The following KCNIP1 variants were observed in gnomAD, a reference collection of about 807,000 sequenced individuals.
KCNIP1 encodes potassium voltage-gated channel interacting protein 1, also known as A-type potassium channel modulatory protein KCNIP1.
In KCNIP1, 18 loss-of-function variants were observed where a neutral mutation model predicts 33.0. The ratio of observed to expected loss-of-function variants is 0.55; its 90% CI spans 0.38 to 0.81. KCNIP1 has a LOEUF of 0.81. Ranked by LOEUF, KCNIP1 falls within the 30% of genes least tolerant of loss-of-function variation. The pLI, the probability that KCNIP1 is intolerant of heterozygous loss-of-function variation, is 0.00. For synonymous variants in KCNIP1, 93 were observed against 98.3 expected (o/e 0.95, Z 0.32); for missense variants, 238 against 271.6 (o/e 0.88, Z 0.87).
chr5:170,698,582 T>G (rs1205422079), intron 1 of KCNIP1, among the ~76,000 whole-genome samples: 1 of 152,060 alleles, frequency 6.6e-6, no homozygotes, highest in Non-Finnish European at 1.5e-5. Context: ...TTCTAAAATG[T>G]CAGCTGCCAT....
intron 1 of KCNIP1, among the ~76,000 whole-genome samples, chr5:170,453,440 G>A (rs964119065): frequency 1.3e-5 from 2 of 152,146 alleles, no homozygotes; most frequent in African/African-American, 4.8e-5. Flanking sequence ...ATCATTTAGC[G>A]GGGTACCACA....
chr5:170,486,497 T>A (rs1757097716), intron 1 of KCNIP1: 1 of 152,232 alleles, frequency 6.6e-6, no homozygotes, highest in Non-Finnish European at 1.5e-5. Context: ...GATCCTGCAT[T>A]TTGACCAGAG....
intron 1 of KCNIP1, among the ~76,000 whole-genome samples, chr5:170,578,882 C>G (rs150279586): frequency 6.6e-6 from 1 of 151,904 alleles, no homozygotes; most frequent in Non-Finnish European, 1.5e-5. Flanking sequence ...AGATTGGGAG[C>G]GTAAGATTCC....
At chr5:170,645,032 T>G (rs971313205) in intron 1 of KCNIP1, among the ~76,000 whole-genome samples, 1 of 152,226 alleles carries the variant, frequency 6.6e-6, no homozygotes, top group Non-Finnish European at 1.5e-5. Context: ...AGTGGCTAAT[T>G]TGAGCATAAG....
At chr5:170,355,336 G>T (rs1398946585) in intron 1 of KCNIP1, among the ~76,000 whole-genome samples, 4 of 152,204 alleles carry the variant, frequency 2.6e-5, no homozygotes, top group South Asian at 2.1e-4. Context: ...GAAGGAGAAA[G>T]CAAAGGGGTT....
At chr5:170,396,922 G>A (rs1431203971) in intron 1 of KCNIP1, among the ~76,000 whole-genome samples, 2 of 152,152 alleles carry the variant, frequency 1.3e-5, no homozygotes, top group African/African-American at 4.8e-5. Context: ...CAACTTTGCA[G>A]GACTATTTCA....
intron 1 of KCNIP1, among the ~76,000 whole-genome samples, chr5:170,552,536 T>C (rs1010207609): frequency 7.2e-5 from 11 of 151,772 alleles, no homozygotes; most frequent in African/African-American, 2.7e-4. Context: ...GGAGGTGGCG[T>C]TTGTGTTCGG....
chr5:170,726,745 C>CAAAAAAAAAAAAAAAAAAAA (rs57173351), intron 5 of KCNIP1, among the ~76,000 whole-genome samples: 4 of 56,688 alleles, frequency 7.1e-5, no homozygotes, highest in East Asian at 4.7e-4. Context: ...ACTAAAAATA[C>CAAAAAAAAAAAAAAAAAAAA]AAAAAAAAAA....
In KCNIP1 at chr5:170,736,046, T is replaced by C. The variant is rs573121704; in HGVS notation, c.*240T>C. The C allele has an allele frequency of 1.8e-6, 1 of 546,468 alleles. No individual in the cohort carries two copies. The highest frequency in any genetic ancestry group is 2.9e-5 in the East Asian group (1 of 34,326). 33.9% of individuals were successfully genotyped at this position (546,468 alleles called of 1,614,324 possible). ...AGAGACAAGATGAAATTTGAGTTTGTTTTGGAAGCATGCTCATCTCCTCAC... is the reference window on the plus strand; with the variant it reads ...AGAGACAAGATGAAATTTGAGTTTGCTTTGGAAGCATGCTCATCTCCTCAC... On this transcript the variant is annotated 3_prime_UTR_variant, in exon 8 of 8. Coordinates refer to ENST00000328939, the MANE Select transcript of KCNIP1 (RefSeq NM_014592.4).
chr5:170,559,810 A>C (rs1441715643), intron 1 of KCNIP1, among the ~76,000 whole-genome samples: 6 of 152,210 alleles, frequency 3.9e-5, no homozygotes, highest in Admixed American at 3.9e-4. Context: ...AGCTGCCTCA[A>C]GGTAGGCAGA....
intron 1 of KCNIP1, among the ~76,000 whole-genome samples, chr5:170,618,069 G>C (rs531401786): frequency 6.6e-6 from 1 of 152,184 alleles, no homozygotes; most frequent in Non-Finnish European, 1.5e-5. Context: ...CCCTCCAACC[G>C]ACCACTGGAG....
intron 1 of KCNIP1, among the ~76,000 whole-genome samples, chr5:170,440,927 C>T (rs1755973334): frequency 6.6e-6 from 1 of 152,156 alleles, no homozygotes; most frequent in Non-Finnish European, 1.5e-5. Flanking sequence ...CACAGGTGTT[C>T]TCTCCCCCTG....
At chr5:170,354,714 A>G (rs964658304) in intron 1 of KCNIP1, among the ~76,000 whole-genome samples, 1 of 152,224 alleles carries the variant, frequency 6.6e-6, no homozygotes, top group Admixed American at 6.5e-5. Flanking sequence ...AAAGAAGGCT[A>G]ACTCCTCAGG....
intron 1 of KCNIP1, among the ~76,000 whole-genome samples, chr5:170,355,923 C>G (rs1763334746): frequency 1.3e-5 from 2 of 152,248 alleles, no homozygotes; most frequent in Non-Finnish European, 2.9e-5. Context: ...CCGCATCTGT[C>G]TTCTTTGCTT....
At chr5:170,422,607 T>C (rs908049601) in intron 1 of KCNIP1, 1 of 152,202 alleles carries the variant, frequency 6.6e-6, no homozygotes, top group Non-Finnish European at 1.5e-5. Context: ...GCCCCGTTAA[T>C]AGGCAAAAAT....
intron 1 of KCNIP1, among the ~76,000 whole-genome samples, chr5:170,557,036 C>T (rs569749686): frequency 3.3e-5 from 5 of 152,324 alleles, no homozygotes; most frequent in Admixed American, 3.3e-4. Context: ...TAGCCTCCCT[C>T]AGCAGTGGAG....
chr5:170,522,726 A>C (rs1364963623), intron 1 of KCNIP1, among the ~76,000 whole-genome samples: 1 of 152,232 alleles, frequency 6.6e-6, no homozygotes, highest in Non-Finnish European at 1.5e-5. Flanking sequence ...TGGGAGCCAC[A>C]TCCACACCCC....
upstream of KCNIP1, among the ~76,000 whole-genome samples, chr5:170,500,520 G>T (rs1757390192): frequency 6.6e-6 from 1 of 152,124 alleles, no homozygotes; most frequent in South Asian, 2.1e-4. Flanking sequence ...CTGATGGGAG[G>T]CTTCTTCAGC....
At chr5:170,431,153 A>C (rs1272728046) in intron 1 of KCNIP1, among the ~76,000 whole-genome samples, 4 of 152,214 alleles carry the variant, frequency 2.6e-5, no homozygotes, top group Non-Finnish European at 2.9e-5. Flanking sequence ...TTTTACAAGC[A>C]ATTGGGTTGT....
Sources: gnomAD v4.1 joint callset for allele counts (sites outside exome capture counted in the v4.1 genomes callset) on GRCh38, gnomAD v4.1.1 for gene constraint, MANE v1.5 for transcripts, NCBI Gene and HGNC (gene_info 2026-07-23, HGNC 2026-07-21) for gene names.